The following NFATC1 variants were observed in gnomAD, a reference collection of about 807,000 sequenced individuals.
NFATC1 encodes nuclear factor of activated T cells 1.
NFATC1 carries 22 observed loss-of-function variants against 76.0 expected under a neutral mutation model. The ratio of observed to expected loss-of-function variants is 0.29; its 90% CI spans 0.21 to 0.41. The LOEUF (loss-of-function observed/expected upper bound fraction) is 0.41, where lower values mean the gene tolerates loss of function less well. Among genes scored for constraint, NFATC1 ranks in the 10% least tolerant of loss-of-function variants. The pLI is 1.00. For missense variants in NFATC1, 1,357 were observed against 1,337.7 expected (o/e 1.01, Z -0.23); for synonymous variants, 704 against 613.1 (o/e 1.15, Z -2.19).
At chr18:79,514,514 T>C (rs1354103304) in intron 9 of NFATC1, among the ~76,000 whole-genome samples, 1 of 134,592 alleles carries the variant, frequency 7.4e-6, no homozygotes, top group East Asian at 2.1e-4. Context: ...TGCAGTGAGC[T>C]GTGATCGAAC....
At chr18:79,507,139 C>T (rs930366239) in intron 9 of NFATC1, among the ~76,000 whole-genome samples, 14 of 152,228 alleles carry the variant, frequency 9.2e-5, no homozygotes, top group Non-Finnish European at 2.1e-4. Context: ...GTTATCAGCC[C>T]CTGGCCCGCG....
intron 9 of NFATC1, among the ~76,000 whole-genome samples, chr18:79,514,564 CAAAAAA>C (rs61341859): frequency 1.1e-4 from 5 of 47,238 alleles, no homozygotes; most frequent in African/African-American, 2.0e-4. Context: ...GACCCTGCCT[CAAAAAA>C]AAAAAAAAAA....
At chr18:79,516,996 A>G (rs1033322267) in intron 9 of NFATC1, among the ~76,000 whole-genome samples, 15 of 152,276 alleles carry the variant, frequency 9.9e-5, no homozygotes, top group Admixed American at 6.5e-4. Context: ...AAACACATCT[A>G]TCATGCCCCT....
chr18:79,515,113 G>C (rs1035168032), intron 9 of NFATC1, among the ~76,000 whole-genome samples: 1 of 152,064 alleles, frequency 6.6e-6, no homozygotes, highest in Non-Finnish European at 1.5e-5. Context: ...GGGAGGCAAC[G>C]GCGGGCAGAT....
In NFATC1 at chr18:79,398,638, C is replaced by T. The variant is rs1234969411; in HGVS notation, c.127+2287C>T. On this transcript the variant is annotated intron_variant, in intron 1 of 9. Transcript: ENST00000427363. ...TCCTAGGACAGCAGCAGTGAGCCTCCATCCCTGCAGGGCCCGCGGCCTGGG... is the reference window on the plus strand; with the variant it reads ...TCCTAGGACAGCAGCAGTGAGCCTCTATCCCTGCAGGGCCCGCGGCCTGGG... Among the ~76,000 whole-genome samples, 3 of 152,260 alleles carry T rather than the reference C, an allele frequency of 2.0e-5. No homozygotes were observed. The East Asian group carries it at 5.8e-4, about 29-fold the overall frequency.
At chr18:79,479,356 G>T (rs562170411) in intron 8 of NFATC1, among the ~76,000 whole-genome samples, 1 of 150,526 alleles carries the variant, frequency 6.6e-6, no homozygotes, top group East Asian at 1.9e-4. Flanking sequence ...GGGCGACAGC[G>T]TGAACTGGGC....
At chr18:79,494,920 A>G (rs2089833181) in intron 9 of NFATC1, among the ~76,000 whole-genome samples, 1 of 146,670 alleles carries the variant, frequency 6.8e-6, no homozygotes, top group African/African-American at 2.5e-5. Flanking sequence ...GGAAAGCGAG[A>G]GCGGGCACAC....
chr18:79,444,192 G>GGT (rs370941100), intron 3 of NFATC1, among the ~76,000 whole-genome samples: 1 of 151,886 alleles, frequency 6.6e-6, no homozygotes, highest in Non-Finnish European at 1.5e-5. Context: ...TGTCACATGT[G>GGT]GTGTGTGTGT....
At chr18:79,432,345 C>CG (rs566368628) in intron 2 of NFATC1, among the ~76,000 whole-genome samples, 20 of 150,180 alleles carry the variant, frequency 1.3e-4, no homozygotes, top group Non-Finnish European at 1.8e-4. Context: ...GGACAGTCGG[C>CG]GGGCCCTGGG....
In NFATC1 at chr18:79,440,841, C is replaced by T. The variant is rs997409353; in HGVS notation, c.1386+7103C>T. 9.8e-5 allele frequency among the ~76,000 whole-genome samples: 15 copies of T among 152,364 alleles called. No individual in the cohort carries two copies. In the East Asian group the frequency reaches 1.5e-3, roughly 16 times the overall value. ...TCCTCTTCTCTGAGGAGCTGCTGGG[C>T]GGGACGGCTGCTTGCTTTCTTTGTC... On this transcript the variant is annotated intron_variant, in intron 3 of 9. Transcript: ENST00000427363.
intron 7 of NFATC1, 63 bp downstream of exon 7, chr18:79,461,429 G>A: frequency 1.3e-6 from 2 of 1,583,400 alleles, no homozygotes; most frequent in Non-Finnish European, 1.7e-6. Context: ...GCTGGGGTCT[G>A]CTGGAGCCAC....
At chr18:79,479,231 A>G (rs1003564431) in intron 8 of NFATC1, among the ~76,000 whole-genome samples, 4 of 152,166 alleles carry the variant, frequency 2.6e-5, no homozygotes, top group Non-Finnish European at 5.9e-5. Context: ...TCCTTTCGCC[A>G]CCTCTACCCC....
At position 79,486,631 on chromosome 18, in the gene NFATC1, G is replaced by A; in HGVS notation, c.2476G>A (p.Val826Met). The A allele has an allele frequency of 6.2e-7, 1 of 1,601,824 alleles. No homozygotes were observed. The highest frequency in any genetic ancestry group is 8.5e-7 in the Non-Finnish European group (1 of 1,177,500). The change falls in exon 9 of 10, where the codon GTG becomes ATG. Residue 826 changes from valine (V) to methionine (M), a missense_variant. This residue lies in a region of NFATC1 where 424 missense variants were observed against 395.4 expected (regional missense o/e 1.07). Coordinates refer to ENST00000427363, the MANE Select transcript of NFATC1 (RefSeq NM_001278669.2). ...ACCCCCGGCCCTGCTGCCACAGCAG[G>A]TGAGTGCGCCTCCAAGCAGTAGCTG... is the stretch of plus-strand genomic sequence containing the variant. The part of the protein sequence containing the change: ...QPPPALLPQQ[V>M]SAPPSSSCPP...
At chr18:79,510,821 CCGGGG>C (rs2090226476) in intron 9 of NFATC1, among the ~76,000 whole-genome samples, 1 of 13,528 alleles carries the variant, frequency 7.4e-5, no homozygotes, top group African/African-American at 1.9e-4. Flanking sequence ...GGCTCCTCTG[CCGGGG>C]CATCCTCTGC....
chr18:79,458,089 C>T (rs1600781209), intron 6 of NFATC1, among the ~76,000 whole-genome samples: 1 of 152,328 alleles, frequency 6.6e-6, no homozygotes, highest in South Asian at 2.1e-4. Context: ...TGAGCACATG[C>T]CTCGGTGTGA....
At chr18:79,403,375 C>T (rs2085330475) in intron 1 of NFATC1, among the ~76,000 whole-genome samples, 1 of 152,240 alleles carries the variant, frequency 6.6e-6, no homozygotes, top group Admixed American at 6.5e-5. Flanking sequence ...ATGGGAGTGG[C>T]GTTTGGGCTT....
At chr18:79,403,317 T>A (rs2085329109) in intron 1 of NFATC1, among the ~76,000 whole-genome samples, 1 of 152,248 alleles carries the variant, frequency 6.6e-6, no homozygotes, top group Non-Finnish European at 1.5e-5. Flanking sequence ...CAGTAACCAT[T>A]TGTTGGGACA....
intron 2 of NFATC1, among the ~76,000 whole-genome samples, chr18:79,425,441 G>A (rs887683770): frequency 6.6e-6 from 1 of 152,254 alleles, no homozygotes; most frequent in Non-Finnish European, 1.5e-5. Flanking sequence ...GTGGGCGGGT[G>A]TGGCCCTGCC....
intron 2 of NFATC1, among the ~76,000 whole-genome samples, chr18:79,426,878 G>A (rs1038570468): frequency 2.0e-5 from 3 of 152,246 alleles, no homozygotes; most frequent in African/African-American, 4.8e-5. Context: ...GGATCCTGCC[G>A]GGAGCGCCTT....
Sources: gnomAD v4.1 joint callset for allele counts (sites outside exome capture counted in the v4.1 genomes callset) on GRCh38, gnomAD v4.1.1 for gene constraint, gnomAD v4.1.1 regional missense constraint, MANE v1.5 for transcripts, NCBI Gene and HGNC (gene_info 2026-07-23, HGNC 2026-07-21) for gene names.